KRTAP4-5: variants seen among roughly 807,000 people sequenced by gnomAD.
KRTAP4-5 encodes the protein keratin-associated protein 4-5.
For synonymous variants in KRTAP4-5, 73 were observed against 83.6 expected (o/e 0.87, Z 0.69); for missense variants, 199 against 233.7 (o/e 0.85, Z 0.97).
Position 41,149,453 on chromosome 17 carries a change from G to A in KRTAP4-5, c.315C>T (p.Cys105=), listed in dbSNP as rs2014805924. The A allele has an allele frequency of 6.2e-7, 1 of 1,613,194 alleles. No individual in the cohort carries two copies. The highest frequency in any genetic ancestry group is 8.5e-7 in the Non-Finnish European group (1 of 1,179,810). Residue 105 remains cysteine (C), a synonymous_variant, in exon 1 of 1, where the codon TGC becomes TGT. Transcript: ENST00000343246. ...CCCPSCCVSS[C]CRPQCCQSVC... is the part of the protein sequence containing the mutation. ...CAGACTGGCAGCACTGGGGTCTGCA[G>A]CAGCTGGACACACAGCAGCTGGGGC... is the stretch of plus-strand genomic sequence containing the variant.
Position 41,149,145 on chromosome 17 carries a change from C to A in KRTAP4-5, c.*77G>T. On this transcript the variant is annotated 3_prime_UTR_variant, in exon 1 of 1. Transcript: ENST00000343246. Reference sequence around the variant, plus strand: ...ACTGGCAGGGAAGTGTTCATTTTTCCAGTGACTGGCTGGCTACAGTGCATT... The same window carrying A: ...ACTGGCAGGGAAGTGTTCATTTTTCAAGTGACTGGCTGGCTACAGTGCATT... 6.7e-7 allele frequency: 1 copy of A among 1,485,618 alleles called. No homozygotes were observed. Among genetic ancestry groups the A allele is most frequent in the Non-Finnish European group, 9.0e-7 (1 of 1,112,688 alleles). 92.0% of individuals were successfully genotyped at this position (1,485,618 alleles called of 1,614,324 possible).
Position 41,148,973 on chromosome 17 carries a change from C to A in KRTAP4-5, c.*249G>T. ...ACATGAAAACAATATTATATGAGAT[C>A]ATCACAGTTAGTGTCCCCTTCGAAT... On this transcript the variant is annotated 3_prime_UTR_variant, in exon 1 of 1. Transcript: ENST00000343246. 3 of 675,834 alleles carry A rather than the reference C, an allele frequency of 4.4e-6. No individual in the cohort carries two copies. In the Admixed American group the frequency reaches 9.1e-5, roughly 21 times the overall value. The allele number at this position is 675,834 out of a possible 1,614,324, so 41.9% of individuals were successfully genotyped here.
rs1316073791 is a variant in KRTAP4-5, at chr17:41,149,444, G to T, written c.324C>A (p.Pro108=). Residue 108 remains proline (P), a synonymous_variant, in exon 1 of 1, where the codon CCC becomes CCA. Coordinates refer to ENST00000343246, the MANE Select transcript of KRTAP4-5 (RefSeq NM_033188.4). ...PSCCVSSCCR[P]QCCQSVCCQP... ...GGCAGCACACAGACTGGCAGCACTG[G>T]GGTCTGCAGCAGCTGGACACACAGC... The T allele has an allele frequency of 6.2e-7, 1 of 1,613,258 alleles. No homozygotes were observed. The highest frequency in any genetic ancestry group is 8.5e-7 in the Non-Finnish European group (1 of 1,179,884).
chr17:41,149,752 A>C lies in KRTAP4-5; in HGVS notation c.16T>G (p.Cys6Gly). The change falls in exon 1 of 1, where the codon TGT (cysteine) becomes GGT (glycine). Residue 6 changes from cysteine (C) to glycine (G), a missense_variant. Cys to Gly is a radical substitution (Grantham distance 159). Transcript: ENST00000343246. Reference protein sequence around the residue: MVSSCCGSVSSEQSCG... With the variant: MVSSCGGSVSSEQSCG... ...CTCTGCTCAGAGCTGACAGAGCCACAACAGGAGCTGACCATGGTGTCAGAG... is the reference window on the plus strand; with the variant it reads ...CTCTGCTCAGAGCTGACAGAGCCACCACAGGAGCTGACCATGGTGTCAGAG... 2 of 1,610,036 alleles carry C rather than the reference A, an allele frequency of 1.2e-6. No homozygotes were observed. Among genetic ancestry groups the C allele is most frequent in the Non-Finnish European group, 1.7e-6 (2 of 1,177,368 alleles).
rs1364121667 is a variant in KRTAP4-5, at chr17:41,149,679, C to G, written c.89G>C (p.Cys30Ser). The change falls in exon 1 of 1, where the codon TGC (cysteine) becomes TCC (serine). Residue 30 changes from cysteine (C) to serine (S), a missense_variant. Transcript: ENST00000343246. ...GGGGCGGCAGCAGGTGGTCCTGCAGCAGGTGGTCTGGCAGCAGCTGGGGCG... is the reference window on the plus strand; with the variant it reads ...GGGGCGGCAGCAGGTGGTCCTGCAGGAGGTGGTCTGGCAGCAGCTGGGGCG... Reference protein sequence around the residue: ...CCRPSCCQTTCCRTTCCRPSC... With the variant: ...CCRPSCCQTTSCRTTCCRPSC... 1 of 1,610,358 alleles carries G rather than the reference C, an allele frequency of 6.2e-7. No individual in the cohort carries two copies. The highest frequency in any genetic ancestry group is 1.3e-5 in the African/African-American group (1 of 74,846).
chr17:41,149,698 T>TG, the KRTAP4-5 span: 4 of 1,610,050 alleles, frequency 2.5e-6, no homozygotes, highest in Non-Finnish European at 3.4e-6. Flanking sequence ...TGGCAGCAGC[T>TG]GGGGCGGCAG....
chr17:41,149,484 C>T lies in KRTAP4-5; in HGVS notation c.284G>A (p.Cys95Tyr), dbSNP rs1447291730. 2 of 1,519,454 alleles carry T rather than the reference C, an allele frequency of 1.3e-6. No individual in the cohort carries two copies. The highest frequency in any genetic ancestry group is 2.9e-5 in the African/African-American group (2 of 69,116). 94.1% of individuals were successfully genotyped at this position (1,519,454 alleles called of 1,614,324 possible). A position where few individuals can be genotyped will look rare whatever the true frequency, so the allele number is the denominator to read the frequency against. ...GGACACACAGCAGCTGGGGCAGCAG[C>T]AGGTGGTCCTGCAGCAGGTGGTCCT... ...CCRTTCCRTT[C>Y]CCPSCCVSSC... The change falls in exon 1 of 1, where the codon TGC (cysteine) becomes TAC (tyrosine). Residue 95 changes from cysteine (C) to tyrosine (Y), a missense_variant. Transcript: ENST00000343246.
In KRTAP4-5 at chr17:41,149,124, G is replaced by A; in HGVS notation, c.*98C>T. On this transcript the variant is annotated 3_prime_UTR_variant, in exon 1 of 1. Transcript: ENST00000343246. ...TCTGAATGCCACATGAGACAAACTG[G>A]CAGGGAAGTGTTCATTTTTCCAGTG... 6.8e-7 allele frequency: 1 copy of A among 1,477,526 alleles called. No homozygotes were observed. The allele number at this position is 1,477,526 out of a possible 1,614,324, so 91.5% of individuals were successfully genotyped here.
rs141971374 is a variant in KRTAP4-5 at position 41,149,538 on chromosome 17, C to T, written c.230G>A (p.Arg77His). Residue 77 changes from arginine to histidine, a missense_variant, in exon 1 of 1, where the codon CGC becomes CAC. By Grantham distance (29) the Arg-to-His change is conservative. Transcript: ENST00000343246. ...GCAGGTGGTCTGGCAGCAGCAGGGG[C>T]GGCAGCAGCTGGATTCACAGCAATA... Reference protein sequence around the residue: ...RPYCCESSCCRPCCCQTTCCR... With the variant: ...RPYCCESSCCHPCCCQTTCCR... The T allele has an allele frequency of 2.4e-5, 37 of 1,514,052 alleles. No homozygotes were observed. The highest frequency in any genetic ancestry group is 3.7e-4 in the Middle Eastern group (2 of 5,348). The allele number at this position is 1,514,052 out of a possible 1,614,324, so 93.8% of individuals were successfully genotyped here. A position where few individuals can be genotyped will look rare whatever the true frequency, so the allele number is the denominator to read the frequency against.
Position 41,149,006 on chromosome 17 carries a change from C to T in KRTAP4-5, c.*216G>A, listed in dbSNP as rs994333041. ...TTAGTGTCCCCTTCGAATGAAGACA[C>T]TGCTCATCTAAAAATAACTGCATTG... On this transcript the variant is annotated 3_prime_UTR_variant, in exon 1 of 1. Transcript: ENST00000343246. 29 of 840,746 alleles carry T rather than the reference C, an allele frequency of 3.4e-5. 1 individual carries two copies. The East Asian group carries it at 7.5e-4, about 22-fold the overall frequency. 52.1% of individuals were successfully genotyped at this position (840,746 alleles called of 1,614,324 possible).
At position 41,149,568 on chromosome 17, in the gene KRTAP4-5, C is replaced by A. The variant is rs238830; in HGVS notation, c.200G>T (p.Arg67Leu). Residue 67 changes from arginine (R) to leucine (L), a missense_variant, in exon 1 of 1, where the codon CGC (arginine) becomes CTC (leucine). Physicochemically the swap from Arg to Leu is moderately radical, Grantham distance 102 (BLOSUM62 -2). Transcript: ENST00000343246. Reference sequence around the variant, plus strand: ...GCAGCTGGATTCACAGCAATAGGGGCGGCAGCAGCTGGAGATGCAGCAGCT... The same window carrying A: ...GCAGCTGGATTCACAGCAATAGGGGAGGCAGCAGCTGGAGATGCAGCAGCT... ...HPSCCISSCC[R>L]PYCCESSCCR... 9.6e-6 allele frequency: 14 copies of A among 1,460,640 alleles called. No homozygotes were observed. The highest frequency in any genetic ancestry group is 2.0e-4 in the Middle Eastern group (1 of 4,880). The allele number at this position is 1,460,640 out of a possible 1,614,324, so 90.5% of individuals were successfully genotyped here.
Position 41,149,202 on chromosome 17 carries a change from A to G in KRTAP4-5, c.*20T>C, listed in dbSNP as rs1426299964. ...GACTAATGAAGACATTCATAGTATG[A>G]CAAATATCACAAGGAGACATTAGCA... On this transcript the variant is annotated 3_prime_UTR_variant, in exon 1 of 1. Coordinates refer to ENST00000343246, the MANE Select transcript of KRTAP4-5 (RefSeq NM_033188.4). 1.3e-6 allele frequency: 2 copies of G among 1,572,304 alleles called. No homozygotes were observed.
In KRTAP4-5 at chr17:41,149,507, C is replaced by A. The variant is rs2014807724; in HGVS notation, c.261G>T (p.Arg87Ser). 6.6e-7 allele frequency: 1 copy of A among 1,509,682 alleles called. No homozygotes were observed. The allele number at this position is 1,509,682 out of a possible 1,614,324, so 93.5% of individuals were successfully genotyped here. Residue 87 changes from arginine to serine, a missense_variant, in exon 1 of 1, where the codon AGG (arginine) becomes AGT (serine). By Grantham distance (110) the Arg-to-Ser change is moderately radical (BLOSUM62 -1). Transcript: ENST00000343246. ...RPCCCQTTCC[R>S]TTCCRTTCCC... The stretch of plus-strand genomic sequence containing the variant: ...AGCAGGTGGTCCTGCAGCAGGTGGT[C>A]CTGCAGCAGGTGGTCTGGCAGCAGC...
Position 41,149,057 on chromosome 17 carries a change from A to G in KRTAP4-5, c.*165T>C. ...GGGCCTGGCATAACATATTTTAATGAATGTGATTGTCTGTCATTTCCTAGA... is the reference window on the plus strand; with the variant it reads ...GGGCCTGGCATAACATATTTTAATGGATGTGATTGTCTGTCATTTCCTAGA... On this transcript the variant is annotated 3_prime_UTR_variant, in exon 1 of 1. Coordinates refer to ENST00000343246, the MANE Select transcript of KRTAP4-5 (RefSeq NM_033188.4). The G allele has an allele frequency of 1.6e-6, 2 of 1,240,494 alleles. No individual in the cohort carries two copies. Among genetic ancestry groups the G allele is most frequent in the South Asian group, 1.6e-5 (1 of 62,510 alleles). The allele number at this position is 1,240,494 out of a possible 1,614,324, so 76.8% of individuals were successfully genotyped here.
Position 41,149,749 on chromosome 17 carries a change from C to G in KRTAP4-5, c.19G>C (p.Gly7Arg), listed in dbSNP as rs749883345. The G allele has an allele frequency of 2.1e-5, 34 of 1,610,860 alleles. No homozygotes were observed. The Admixed American group carries it at 5.7e-4, about 27-fold the overall frequency. Residue 7 changes from glycine to arginine, a missense_variant, in exon 1 of 1, where the codon GGC (glycine) becomes CGC (arginine). Transcript: ENST00000343246. Reference protein sequence around the residue: MVSSCCGSVSSEQSCGL... With the variant: MVSSCCRSVSSEQSCGL... Reference sequence around the variant, plus strand: ...CAGCTCTGCTCAGAGCTGACAGAGCCACAACAGGAGCTGACCATGGTGTCA... The same window carrying G: ...CAGCTCTGCTCAGAGCTGACAGAGCGACAACAGGAGCTGACCATGGTGTCA...
In KRTAP4-5 at chr17:41,149,416, G is replaced by T; in HGVS notation, c.352C>A (p.Pro118Thr). Residue 118 changes from proline to threonine, a missense_variant, in exon 1 of 1, where the codon CCC becomes ACC. Coordinates refer to ENST00000343246, the MANE Select transcript of KRTAP4-5 (RefSeq NM_033188.4). The part of the protein sequence containing the change: ...PQCCQSVCCQ[P>T]TCCRPSCCIS... ...CAGCAGCTGGGACGGCAGCAAGTGGGCTGGCAGCACACAGACTGGCAGCAC... is the reference window on the plus strand; with the variant it reads ...CAGCAGCTGGGACGGCAGCAAGTGGTCTGGCAGCACACAGACTGGCAGCAC... 1 of 1,613,112 alleles carries T rather than the reference G, an allele frequency of 6.2e-7. No individual in the cohort carries two copies. The highest frequency in any genetic ancestry group is 8.5e-7 in the Non-Finnish European group (1 of 1,179,548).
At position 41,149,490 on chromosome 17, in the gene KRTAP4-5, G is replaced by A. The variant is rs2014807074; in HGVS notation, c.278C>T (p.Thr93Ile). 1 of 1,519,458 alleles carries A rather than the reference G, an allele frequency of 6.6e-7. No homozygotes were observed. The highest frequency in any genetic ancestry group is 1.9e-5 in the Admixed American group (1 of 53,618). 94.1% of individuals were successfully genotyped at this position (1,519,458 alleles called of 1,614,324 possible). A position where few individuals can be genotyped will look rare whatever the true frequency, so the allele number is the denominator to read the frequency against. ...TTCCRTTCCR[T>I]TCCCPSCCVS... ...ACAGCAGCTGGGGCAGCAGCAGGTG[G>A]TCCTGCAGCAGGTGGTCCTGCAGCA... Residue 93 changes from threonine (T) to isoleucine (I), a missense_variant, in exon 1 of 1, where the codon ACC becomes ATC. Coordinates refer to ENST00000343246, the MANE Select transcript of KRTAP4-5 (RefSeq NM_033188.4).
chr17:41,149,433 T>C lies in KRTAP4-5; in HGVS notation c.335A>G (p.Gln112Arg). The C allele has an allele frequency of 6.2e-7, 1 of 1,612,836 alleles. No individual in the cohort carries two copies. The highest frequency in any genetic ancestry group is 8.5e-7 in the Non-Finnish European group (1 of 1,179,754). The change falls in exon 1 of 1, where the codon CAG becomes CGG. Residue 112 changes from glutamine (Q) to arginine (R), a missense_variant. By Grantham distance (43) the Gln-to-Arg change is conservative. Coordinates refer to ENST00000343246, the MANE Select transcript of KRTAP4-5 (RefSeq NM_033188.4). ...VSSCCRPQCC[Q>R]SVCCQPTCCR... ...GCAAGTGGGCTGGCAGCACACAGAC[T>C]GGCAGCACTGGGGTCTGCAGCAGCT...
Position 41,149,326 on chromosome 17 carries a change from G to C in KRTAP4-5, c.442C>G (p.Arg148Gly). 1 of 1,611,826 alleles carries C rather than the reference G, an allele frequency of 6.2e-7. No individual in the cohort carries two copies. Among genetic ancestry groups the C allele is most frequent in the East Asian group, 2.2e-5 (1 of 44,794 alleles). ...CAGGAGACTCGGCCACAGACTGGACGCACGCAGCAGCAGGGGCGGCAGCAG... is the reference window on the plus strand; with the variant it reads ...CAGGAGACTCGGCCACAGACTGGACCCACGCAGCAGCAGGGGCGGCAGCAG... The part of the protein sequence containing the change: ...SSCCRPCCCV[R>G]PVCGRVSCHT... The change falls in exon 1 of 1, where the codon CGT becomes GGT. Residue 148 changes from arginine to glycine, a missense_variant. Transcript: ENST00000343246.
Sources: gnomAD v4.1 joint callset for allele counts on GRCh38, gnomAD v4.1.1 for gene constraint, MANE v1.5 for transcripts, NCBI Gene and HGNC (gene_info 2026-07-23, HGNC 2026-07-21) for gene names.